CD47: variants seen among roughly 807,000 people sequenced by gnomAD.
The protein encoded by CD47 is CD47 molecule.
CD47 carries 11 observed loss-of-function variants against 44.6 expected under a neutral mutation model. That is an observed-to-expected ratio of 0.25 (90% confidence interval 0.16 to 0.41). The LOEUF (loss-of-function observed/expected upper bound fraction) is 0.41, where lower values mean the gene tolerates loss of function less well. CD47 is among the 10% of genes least tolerant of loss of function. The pLI is 1.00. For missense variants in CD47, 306 were observed against 386.7 expected (o/e 0.79, Z 1.75); for synonymous variants, 140 against 136.3 (o/e 1.03, Z -0.19).
At chr3:108,055,401 C>T in intron 7 of CD47, 1 of 423,316 alleles carries the variant, frequency 2.4e-6, no homozygotes, top group South Asian at 2.5e-5. Context: ...AATATAAACG[C>T]TCAAATTTGC....
At chr3:108,086,047 T>C (rs992050406) in intron 1 of CD47, among the ~76,000 whole-genome samples, 1 of 152,016 alleles carries the variant, frequency 6.6e-6, no homozygotes, top group Non-Finnish European at 1.5e-5. Flanking sequence ...AAGAATGTTA[T>C]GGGAAAGAAG....
chr3:108,066,764 C>G (rs765091), intron 3 of CD47, among the ~76,000 whole-genome samples: 74,942 of 151,934 alleles, frequency 0.49, 18,963 homozygotes, highest in East Asian at 0.7. Flanking sequence ...GCTGATTGTG[C>G]GAATGTCGAC....
chr3:108,076,603 G>A (rs528730517), intron 2 of CD47, among the ~76,000 whole-genome samples: 1 of 152,228 alleles, frequency 6.6e-6, no homozygotes, highest in South Asian at 2.1e-4. Context: ...TTCCCTATTT[G>A]TTAAATGGTA....
chr3:108,079,038 C>T (rs146379094), intron 2 of CD47, among the ~76,000 whole-genome samples: 5 of 152,148 alleles, frequency 3.3e-5, no homozygotes, highest in Non-Finnish European at 7.4e-5. Flanking sequence ...AATGTGCAAA[C>T]ATTTCATCAA....
chr3:108,084,627 TAC>T (rs1229298111), intron 1 of CD47, among the ~76,000 whole-genome samples: 1 of 152,092 alleles, frequency 6.6e-6, no homozygotes, highest in Non-Finnish European at 1.5e-5. Flanking sequence ...TTGGATGTAA[TAC>T]AGTTACTTCA....
At chr3:108,053,810 C>G (rs2078868737) in intron 7 of CD47, 1 of 152,174 alleles carries the variant, frequency 6.6e-6, no homozygotes, top group Non-Finnish European at 1.5e-5. Flanking sequence ...TGTATCCAAA[C>G]AAGAAGCCAA....
intron 1 of CD47, among the ~76,000 whole-genome samples, chr3:108,084,749 A>G (rs1014868822): frequency 3.3e-5 from 5 of 152,112 alleles, no homozygotes; most frequent in Admixed American, 2.0e-4. Flanking sequence ...GGACCTAAGA[A>G]TCACATTAGA....
At position 108,044,982 on chromosome 3, in the gene CD47, T is replaced by C. The variant is rs1237235993; in HGVS notation, c.*2306A>G. ...GTGATGTGATGGAATTTGGGAGCCA[T>C]TACAAATCTGATTTAAAGAGAAGGA... On this transcript the variant is annotated 3_prime_UTR_variant, in exon 11 of 11. Coordinates refer to ENST00000361309, the MANE Select transcript of CD47 (RefSeq NM_001777.4). The C allele has an allele frequency of 6.6e-6, 1 of 152,572 alleles. No individual in the cohort carries two copies. The highest frequency in any genetic ancestry group is 1.5e-5 in the Non-Finnish European group (1 of 68,036). 9.5% of individuals were successfully genotyped at this position (152,572 alleles called of 1,614,324 possible).
At chr3:108,055,628 C>CT in intron 7 of CD47, 8 of 950,094 alleles carry the variant, frequency 8.4e-6, no homozygotes, top group Non-Finnish European at 1.2e-5. Context: ...AATTAGGACA[C>CT]TATCAATAAA....
At position 108,080,340 on chromosome 3, in the gene CD47, T is replaced by C; in HGVS notation, c.51A>G (p.Ser17=). 5.8e-6 allele frequency: 9 copies of C among 1,547,996 alleles called. No individual in the cohort carries two copies. Among genetic ancestry groups the C allele is most frequent in the Non-Finnish European group, 8.0e-6 (9 of 1,128,854 alleles). Residue 17 remains serine, a synonymous_variant, in exon 2 of 11, where the codon TCA becomes TCG. Transcript: ENST00000361309. Reference sequence around the variant, plus strand: ...TTGTTTTATTAAATAGTAGCTGAGCTGATCCTGGAAAGGAAAAAGAAAAAT... The same window carrying C: ...TTGTTTTATTAAATAGTAGCTGAGCCGATCCTGGAAAGGAAAAAGAAAAAT... ...ALLLGSACCG[S]AQLLFNKTKS... is the part of the protein sequence containing the mutation.
At chr3:108,060,463 G>A (rs961218245) in intron 4 of CD47, among the ~76,000 whole-genome samples, 8 of 152,088 alleles carry the variant, frequency 5.3e-5, no homozygotes, top group Non-Finnish European at 8.8e-5. Flanking sequence ...TTATGCTGCC[G>A]CAAACTAAGG....
intron 2 of CD47, among the ~76,000 whole-genome samples, chr3:108,079,546 C>T (rs1375397803): frequency 7.4e-6 from 1 of 135,974 alleles, no homozygotes; most frequent in Non-Finnish European, 1.5e-5. Context: ...GACTTGTCAT[C>T]CCTTGGTCAA....
chr3:108,050,200 A>C (rs2078801705), intron 9 of CD47, among the ~76,000 whole-genome samples: 1 of 152,134 alleles, frequency 6.6e-6, no homozygotes. Context: ...TCACTGCAAC[A>C]TCTGCCTTCC....
At chr3:108,056,957 A>G (rs967192068) in intron 7 of CD47, among the ~76,000 whole-genome samples, 7 of 152,188 alleles carry the variant, frequency 4.6e-5, no homozygotes, top group African/African-American at 1.7e-4. Context: ...ATTAGAGGTC[A>G]CTGCTCTTTA....
intron 1 of CD47, among the ~76,000 whole-genome samples, chr3:108,084,916 A>C (rs2079490265): frequency 6.6e-6 from 1 of 152,030 alleles, no homozygotes; most frequent in Admixed American, 6.6e-5. Flanking sequence ...TCCATCCTCA[A>C]GGTTTCTCCA....
At chr3:108,054,824 A>G (rs2078886482) in intron 7 of CD47, 1 of 152,240 alleles carries the variant, frequency 6.6e-6, no homozygotes, top group Admixed American at 6.5e-5. Flanking sequence ...GTTGTGGTAA[A>G]TATGGTACTT....
chr3:108,043,196 T>C lies in CD47; in HGVS notation c.*4092A>G, dbSNP rs1424534516. The C allele has an allele frequency of 6.6e-6, 1 of 152,634 alleles. No homozygotes were observed. The highest frequency in any genetic ancestry group is 1.5e-5 in the Non-Finnish European group (1 of 68,040). 9.5% of individuals were successfully genotyped at this position (152,634 alleles called of 1,614,324 possible). ...TAATATTTTAAATCATTCTTTACATTGTTACCTAGAATATAAGCAACTTAA... is the reference window on the plus strand; with the variant it reads ...TAATATTTTAAATCATTCTTTACATCGTTACCTAGAATATAAGCAACTTAA... On this transcript the variant is annotated 3_prime_UTR_variant, in exon 11 of 11. Transcript: ENST00000361309.
chr3:108,087,743 A>G (rs2079549474), intron 1 of CD47, among the ~76,000 whole-genome samples: 1 of 152,214 alleles, frequency 6.6e-6, no homozygotes. Flanking sequence ...AAACCATGAG[A>G]TTGACCAGAT....
intron 7 of CD47, among the ~76,000 whole-genome samples, chr3:108,056,147 G>A (rs2078910012): frequency 6.6e-6 from 1 of 152,212 alleles, no homozygotes; most frequent in Non-Finnish European, 1.5e-5. Context: ...GTGATTGGAA[G>A]ATGTAACAAA....
Sources: gnomAD v4.1 joint callset for allele counts (sites outside exome capture counted in the v4.1 genomes callset) on GRCh38, gnomAD v4.1.1 for gene constraint, MANE v1.5 for transcripts, NCBI Gene and HGNC (gene_info 2026-07-23, HGNC 2026-07-21) for gene names.